The following SLC25A26 variants were observed in gnomAD, a reference collection of about 807,000 sequenced individuals.
SLC25A26 encodes the protein mitochondrial S-adenosylmethionine carrier protein.
A neutral mutation model predicts 37.8 loss-of-function variants in SLC25A26; 36 were observed. That is an observed-to-expected ratio of 0.95 (90% CI 0.73 to 1.26). SLC25A26 has a LOEUF of 1.26. Among genes scored for constraint, SLC25A26 ranks in the 50% most tolerant of loss-of-function variants. The pLI is 0.00. For missense variants in SLC25A26, 390 were observed against 331.1 expected (o/e 1.18, Z -1.38); for synonymous variants, 129 against 122.5 (o/e 1.05, Z -0.35).
intron 5 of SLC25A26, among the ~76,000 whole-genome samples, chr3:66,325,270 C>T (rs575417277): frequency 6.6e-6 from 1 of 152,254 alleles, no homozygotes; most frequent in Non-Finnish European, 1.5e-5. Context: ...GTGATGCACA[C>T]CTATCTTGTT....
At chr3:66,356,196 A>G (rs1346834897) in intron 6 of SLC25A26, 3 of 412,524 alleles carry the variant, frequency 7.3e-6, no homozygotes, top group Non-Finnish European at 1.4e-5. Flanking sequence ...CCTTCTCTTC[A>G]GGCTATACTT....
chr3:66,370,010 A>G (rs1700260510), intron 8 of SLC25A26, among the ~76,000 whole-genome samples: 1 of 152,244 alleles, frequency 6.6e-6, no homozygotes, highest in Non-Finnish European at 1.5e-5. Flanking sequence ...TGCCATACGT[A>G]TAACATACCT....
At chr3:66,164,913 G>A (rs1009554839) in intron 1 of SLC25A26, among the ~76,000 whole-genome samples, 10 of 152,126 alleles carry the variant, frequency 6.6e-5, no homozygotes, top group Non-Finnish European at 1.0e-4. Flanking sequence ...GGACAAGTGC[G>A]ATGACAAGGA....
intron 5 of SLC25A26, among the ~76,000 whole-genome samples, chr3:66,275,551 C>G (rs1292094244): frequency 6.6e-6 from 1 of 151,868 alleles, no homozygotes; most frequent in African/African-American, 2.4e-5. Context: ...TTTAACAAAC[C>G]AATGACTTAA....
chr3:66,276,354 G>C (rs1223158808), intron 5 of SLC25A26, among the ~76,000 whole-genome samples: 1 of 152,016 alleles, frequency 6.6e-6, no homozygotes, highest in Admixed American at 6.6e-5. Context: ...CTTCCTGTTT[G>C]TGTCTTGCAG....
chr3:66,261,066 C>A (rs545656722), intron 3 of SLC25A26, among the ~76,000 whole-genome samples: 4 of 152,314 alleles, frequency 2.6e-5, no homozygotes, highest in African/African-American at 9.6e-5. Flanking sequence ...GGTTTTCTTA[C>A]ATTTCTTGCA....
intron 5 of SLC25A26, chr3:66,304,464 G>C: frequency 2.2e-6 from 1 of 456,416 alleles, no homozygotes; most frequent in South Asian, 1.5e-5. Context: ...AGGAGGATTA[G>C]AGTCAAAGGT....
chr3:66,335,722 A>C (rs577537365), intron 5 of SLC25A26, among the ~76,000 whole-genome samples: 153 of 152,282 alleles, frequency 1.0e-3, no homozygotes, highest in African/African-American at 3.4e-3. Context: ...TGCCTGCCTT[A>C]TCAAGCTTAC....
intron 1 of SLC25A26, among the ~76,000 whole-genome samples, chr3:66,192,093 G>C (rs1271586462): frequency 6.6e-6 from 1 of 151,802 alleles, no homozygotes; most frequent in Non-Finnish European, 1.5e-5. Context: ...GAGGCAGGCA[G>C]ATCACGAGGT....
In SLC25A26 at chr3:66,208,978, A is replaced by G. The variant is rs2071225891; in HGVS notation, c.-353-11764A>G. ...TATATACCCATATAAAGGTGTGTAT[A>G]TATATATATATTTATGTACCCATAT... On this transcript the variant is annotated intron_variant, in intron 1 of 10. Coordinates refer to the SLC25A26 transcript ENST00000676754. Among the ~76,000 whole-genome samples the G allele has an allele frequency of 1.1e-3, 141 of 123,604 alleles. 1 individual carries two copies. Among genetic ancestry groups the G allele is most frequent in the African/African-American group, 3.9e-3 (134 of 34,238 alleles). The allele number at this position is 123,604 out of a possible 152,430, so 81.1% of individuals were successfully genotyped here.
At chr3:66,223,344 A>G (rs2071588054) in intron 1 of SLC25A26, among the ~76,000 whole-genome samples, 1 of 152,134 alleles carries the variant, frequency 6.6e-6, no homozygotes, top group Non-Finnish European at 1.5e-5. Flanking sequence ...TCAAGTGGTG[A>G]GGCCTAATGG....
In SLC25A26 at chr3:66,174,048, G is replaced by A. The variant is rs149500449; in HGVS notation, c.-354+40064G>A. The stretch of plus-strand genomic sequence containing the variant: ...AGCCTAGGTGACAGAGCAAGATTCC[G>A]TCTCAAAAAAGAAAAAAAAAAAACA... On this transcript the variant is annotated intron_variant, in intron 1 of 10. Transcript: ENST00000676754. Among the ~76,000 whole-genome samples the A allele has an allele frequency of 5.9e-3, 884 of 150,788 alleles. 8 individuals carry two copies. Among genetic ancestry groups the A allele is most frequent in the African/African-American group, 0.02 (826 of 41,088 alleles).
intron 1 of SLC25A26, among the ~76,000 whole-genome samples, chr3:66,156,925 C>T (rs1456198494): frequency 3.9e-5 from 6 of 152,068 alleles, no homozygotes; most frequent in African/African-American, 1.2e-4. Flanking sequence ...AGGGCAGTTC[C>T]GTCACCATCC....
rs187745906 is a variant in SLC25A26 at position 66,296,182 on chromosome 3, A to C, written c.453+32803A>C. On this transcript the variant is annotated intron_variant, in intron 5 of 9. Coordinates refer to ENST00000354883, the MANE Select transcript of SLC25A26 (RefSeq NM_001379210.1). ...AAAGTTGGCAAGCATTAAGCATGCT[A>C]ATTAGTTCAACATACTGACCAATTC... Among the ~76,000 whole-genome samples the C allele has an allele frequency of 9.2e-5, 14 of 152,316 alleles. No individual in the cohort carries two copies. In the East Asian group the frequency reaches 2.5e-3, roughly 27 times the overall value.
intron 1 of SLC25A26, among the ~76,000 whole-genome samples, chr3:66,205,967 G>GT (rs1428292501): frequency 1.3e-5 from 2 of 152,182 alleles, no homozygotes; most frequent in Non-Finnish European, 2.9e-5. Flanking sequence ...TAAAGTATGC[G>GT]TAATAGAGCA....
intron 1 of SLC25A26, among the ~76,000 whole-genome samples, chr3:66,222,637 A>G (rs2071555539): frequency 6.6e-6 from 1 of 152,270 alleles, no homozygotes; most frequent in South Asian, 2.1e-4. Context: ...TAATTTTCCA[A>G]ATGAGGGAAG....
chr3:66,186,782 C>G (rs1399990604), intron 1 of SLC25A26, among the ~76,000 whole-genome samples: 1 of 151,984 alleles, frequency 6.6e-6, no homozygotes, highest in South Asian at 2.1e-4. Flanking sequence ...TGACACTCAA[C>G]CTGACTTTGA....
intron 3 of SLC25A26, among the ~76,000 whole-genome samples, chr3:66,258,636 A>G (rs1291141582): frequency 6.6e-6 from 1 of 152,210 alleles, no homozygotes; most frequent in Non-Finnish European, 1.5e-5. Context: ...GCTGGGATGA[A>G]TTTTAATAAC....
intron 1 of SLC25A26, among the ~76,000 whole-genome samples, chr3:66,145,309 C>T (rs2070099289): frequency 6.6e-6 from 1 of 152,120 alleles, no homozygotes; most frequent in Non-Finnish European, 1.5e-5. Context: ...TGGATAAACA[C>T]TTTGTTATCC....
Sources: gnomAD v4.1 joint callset for allele counts (sites outside exome capture counted in the v4.1 genomes callset) on GRCh38, gnomAD v4.1.1 for gene constraint, MANE v1.5 for transcripts, NCBI Gene and HGNC (gene_info 2026-07-23, HGNC 2026-07-21) for gene names.